Variants in ABCC4 observed in about 807,000 individuals in gnomAD.
The protein encoded by ABCC4 is ATP binding cassette subfamily C member 4 (PEL blood group).
Under a neutral mutation model 168.5 loss-of-function variants are expected in ABCC4, and 102 were observed. That is an observed-to-expected ratio of 0.61 (90% confidence interval 0.52 to 0.71). The LOEUF (loss-of-function observed/expected upper bound fraction) is 0.71. Ranked by LOEUF, ABCC4 falls within the 30% of genes least tolerant of loss-of-function variation. The pLI, the probability that ABCC4 is intolerant of heterozygous loss-of-function variation, is 0.00. For missense variants in ABCC4, 1,402 were observed against 1,605.8 expected, an observed-to-expected ratio of 0.87 and a Z score of 2.17; for synonymous variants, 617 against 590.7, an observed-to-expected ratio of 1.04 and a Z score of -0.65.
At chr13:95,067,050 G>A (rs564283987) in intron 25 of ABCC4, among the ~76,000 whole-genome samples, 45 of 152,318 alleles carry the variant, frequency 3.0e-4, no homozygotes, top group African/African-American at 9.9e-4. Flanking sequence ...CTGCAGCTAC[G>A]TTGGACATGG....
intron 18 of ABCC4, among the ~76,000 whole-genome samples, chr13:95,162,857 A>G (rs2037143474): frequency 6.6e-6 from 1 of 152,240 alleles, no homozygotes; most frequent in Non-Finnish European, 1.5e-5. Context: ...CAATAGCCAC[A>G]TATTTCCAGT....
chr13:95,088,749 TA>T (rs2034337000), intron 20 of ABCC4, among the ~76,000 whole-genome samples: 1 of 151,978 alleles, frequency 6.6e-6, no homozygotes, highest in South Asian at 2.1e-4. Flanking sequence ...AACTTTTTTT[TA>T]AAGACAGGTT....
chr13:95,299,632 G>A (rs2041623596), intron 1 of ABCC4, among the ~76,000 whole-genome samples: 1 of 151,828 alleles, frequency 6.6e-6, no homozygotes. Context: ...TTTTATGTAT[G>A]GCCCAAGACA....
chr13:95,247,065 C>T lies in ABCC4; in HGVS notation c.216G>A (p.Glu72=). The T allele has an allele frequency of 6.2e-7, 1 of 1,613,778 alleles. No homozygotes were observed. ...TTAAAGAAGGCTTCTGTGCGTCATTCTCAGCTCTTAAAACTTCTTTATCCC... is the reference window on the plus strand; with the variant it reads ...TTAAAGAAGGCTTCTGTGCGTCATTTTCAGCTCTTAAAACTTCTTTATCCC... The part of the protein sequence containing the change: ...GFWDKEVLRA[E]NDAQKPSLTR... Residue 72 remains glutamate (E), a synonymous_variant, in exon 3 of 31, where the codon GAG becomes GAA. Coordinates refer to ENST00000645237, the MANE Select transcript of ABCC4 (RefSeq NM_005845.5).
intron 1 of ABCC4, among the ~76,000 whole-genome samples, chr13:95,266,827 C>CTTTTT (rs35329015): frequency 7.6e-6 from 1 of 130,746 alleles, no homozygotes; most frequent in African/African-American, 2.9e-5. Flanking sequence ...ACTCAAATCT[C>CTTTTT]TTTTTTTTTT....
At chr13:95,157,131 A>ACACACACAC (rs1350889658) in intron 19 of ABCC4, among the ~76,000 whole-genome samples, 154 of 82,772 alleles carry the variant, frequency 1.9e-3, no homozygotes, top group African/African-American at 0.01. Context: ...CACACACACA[A>ACACACACAC]ACAGTCACCA....
intron 27 of ABCC4, among the ~76,000 whole-genome samples, chr13:95,050,648 G>T (rs1004938521): frequency 1.1e-4 from 17 of 152,176 alleles, no homozygotes; most frequent in African/African-American, 3.6e-4. Flanking sequence ...TAAAGAAGTA[G>T]TTCCCAGAGA....
intron 1 of ABCC4, among the ~76,000 whole-genome samples, chr13:95,252,605 G>A (rs2040293769): frequency 6.6e-6 from 1 of 152,188 alleles, no homozygotes; most frequent in South Asian, 2.1e-4. Context: ...AAACTGGGAG[G>A]CAGAAGTTGC....
Position 95,227,475 on chromosome 13 carries a change from A to G in ABCC4, c.531+7135T>C, listed in dbSNP as rs140697560. Among the ~76,000 whole-genome samples, 5 of 152,330 alleles carry G rather than the reference A, an allele frequency of 3.3e-5. 1 individual carries two copies. Among genetic ancestry groups the G allele is most frequent in the African/African-American group, 1.2e-4 (5 of 41,580 alleles). ...GTAAGAAGCACTACTGGGTCATTCT[A>G]ATTTTGTCAGAAACTTAGAAAATAA... On this transcript the variant is annotated intron_variant, in intron 4 of 30. Transcript: ENST00000645237.
rs1258447458 is a variant in ABCC4, at chr13:95,156,441, A to G, written c.2455+4748T>C. Among the ~76,000 whole-genome samples, 6 of 152,330 alleles carry G rather than the reference A, an allele frequency of 3.9e-5. No homozygotes were observed. In the East Asian group the frequency reaches 1.2e-3, roughly 29 times the overall value. ...ATCAAAAGCAAAATTAATTCTGCCC[A>G]TGCCAGGAAAACAGGATTTACATTT... On this transcript the variant is annotated intron_variant, in intron 19 of 30. Coordinates refer to ENST00000645237, the MANE Select transcript of ABCC4 (RefSeq NM_005845.5).
intron 14 of ABCC4, among the ~76,000 whole-genome samples, chr13:95,169,151 G>T (rs183473282): frequency 6.6e-6 from 1 of 152,144 alleles, no homozygotes. Flanking sequence ...TTCAGAGAGC[G>T]CGGCCCTGCG....
At chr13:95,220,716 C>T (rs1348389825) in intron 4 of ABCC4, among the ~76,000 whole-genome samples, 1 of 152,200 alleles carries the variant, frequency 6.6e-6, no homozygotes, top group Non-Finnish European at 1.5e-5. Context: ...CAAGGTACCT[C>T]CTTCCCACTT....
chr13:95,184,583 C>G (rs570185265), intron 11 of ABCC4, among the ~76,000 whole-genome samples: 2 of 152,256 alleles, frequency 1.3e-5, no homozygotes, highest in Admixed American at 1.3e-4. Context: ...CAGTCTTGAA[C>G]AAATCATTCT....
intron 13 of ABCC4, among the ~76,000 whole-genome samples, chr13:95,176,779 C>G (rs2037718776): frequency 6.6e-6 from 1 of 152,170 alleles, no homozygotes; most frequent in Admixed American, 6.5e-5. Context: ...GGGAAAGGCT[C>G]ACTGACTTTA....
At chr13:95,286,265 G>A (rs564579376) in intron 1 of ABCC4, among the ~76,000 whole-genome samples, 15 of 151,458 alleles carry the variant, frequency 9.9e-5, no homozygotes, top group South Asian at 6.3e-4. Flanking sequence ...GATTACAGGC[G>A]CCCACCACCA....
At chr13:95,242,373 G>A (rs9524862) in intron 3 of ABCC4, among the ~76,000 whole-genome samples, 82,224 of 151,580 alleles carry the variant, frequency 0.54, 22,933 homozygotes, top group African/African-American at 0.67. Context: ...GATTACAGGC[G>A]CCCACCACCA....
chr13:95,062,874 A>G lies in ABCC4; in HGVS notation c.3211-15T>C. 6.5e-7 allele frequency: 1 copy of G among 1,536,724 alleles called. No homozygotes were observed. On this transcript the variant is annotated splice_polypyrimidine_tract_variant and intron_variant, in intron 25 of 30. Transcript: ENST00000645237. Reference sequence around the variant, plus strand: ...ACAATGCCAACCTACAGAGAGATCCAGGCGGCAGGATTAAAAAAAAAAAGA... The same window carrying G: ...ACAATGCCAACCTACAGAGAGATCCGGGCGGCAGGATTAAAAAAAAAAAGA...
chr13:95,099,153 T>C (rs2034711047), intron 20 of ABCC4, among the ~76,000 whole-genome samples: 1 of 152,126 alleles, frequency 6.6e-6, no homozygotes, highest in Non-Finnish European at 1.5e-5. Flanking sequence ...AATGTTGATG[T>C]CATCATACAA....
chr13:95,253,870 C>T (rs1157270280), intron 1 of ABCC4, among the ~76,000 whole-genome samples: 1 of 152,092 alleles, frequency 6.6e-6, no homozygotes, highest in Non-Finnish European at 1.5e-5. Flanking sequence ...GCAATACTCT[C>T]ATGCAAATTT....
Sources: gnomAD v4.1 joint callset for allele counts (sites outside exome capture counted in the v4.1 genomes callset) on GRCh38, gnomAD v4.1.1 for gene constraint, MANE v1.5 for transcripts, NCBI Gene and HGNC (gene_info 2026-07-23, HGNC 2026-07-21) for gene names.